Variants in RANBP2 observed in about 807,000 individuals in gnomAD.
RANBP2 encodes the protein E3 SUMO-protein ligase RanBP2.
A neutral mutation model predicts 303.6 loss-of-function variants in RANBP2; 57 were observed. The observed-to-expected ratio is 0.19, with a 90% CI of 0.15 to 0.23. The LOEUF (loss-of-function observed/expected upper bound fraction) is 0.23, where lower values mean the gene tolerates loss of function less well. Ranked by LOEUF, RANBP2 falls within the 10% of genes least tolerant of loss-of-function variation. The pLI, the probability that RANBP2 is intolerant of heterozygous loss-of-function variation, is 1.00. For missense variants in RANBP2, 3,138 were observed against 3,780.8 expected, an observed-to-expected ratio of 0.83 and a Z score of 4.46; for synonymous variants, 1,167 against 1,301.5, an observed-to-expected ratio of 0.90 and a Z score of 2.23.
the RANBP2 span, among the ~76,000 whole-genome samples, chr2:109,185,348 A>G: frequency 6.6e-6 from 1 of 152,218 alleles, no homozygotes; most frequent in East Asian, 1.9e-4. Flanking sequence ...AAAAGATTGG[A>G]TTGTTAGAGC....
the RANBP2 span, among the ~76,000 whole-genome samples, chr2:108,830,272 T>C: frequency 6.6e-6 from 1 of 152,240 alleles, no homozygotes; most frequent in Non-Finnish European, 1.5e-5. Flanking sequence ...AATGGAGAGT[T>C]ATTATTTAAT....
intron 1 of RANBP2, among the ~76,000 whole-genome samples, chr2:108,726,270 G>A (rs1694698933): frequency 6.6e-6 from 1 of 152,154 alleles, no homozygotes; most frequent in South Asian, 2.1e-4. Context: ...TTACATACTA[G>A]TCATCTCAGT....
At chr2:109,633,421 AAAC>A in the RANBP2 span, among the ~76,000 whole-genome samples, 27 of 151,718 alleles carry the variant, frequency 1.8e-4, no homozygotes, top group East Asian at 3.7e-3. Flanking sequence ...AAACAAAACA[AAAC>A]AAAAAAACAG....
At chr2:109,287,090 C>T in the RANBP2 span, among the ~76,000 whole-genome samples, 538 of 152,320 alleles carry the variant, frequency 3.5e-3, 1 homozygote, top group African/African-American at 0.012. Context: ...TCTGTGATCT[C>T]ATCTGTGACA....
the RANBP2 span, among the ~76,000 whole-genome samples, chr2:108,929,841 T>A: frequency 6.6e-6 from 1 of 152,232 alleles, no homozygotes. Context: ...TCCAATCAGA[T>A]GATCTGACGC....
At chr2:108,776,037 C>T in intron 24 of RANBP2, 101 bp downstream of exon 24, 1 of 1,003,938 alleles carries the variant, frequency 1.0e-6, no homozygotes. Context: ...CTTTAAAACA[C>T]ATTTTGATAT....
chr2:108,775,379 T>G (rs191714234), intron 23 of RANBP2, among the ~76,000 whole-genome samples: 16 of 152,306 alleles, frequency 1.1e-4, no homozygotes, highest in Admixed American at 9.1e-4. Context: ...TCTCTTTTTT[T>G]GCTGACATTG....
the RANBP2 span, among the ~76,000 whole-genome samples, chr2:109,183,436 A>G: frequency 1.3e-5 from 2 of 152,156 alleles, no homozygotes; most frequent in African/African-American, 2.4e-5. Context: ...CTAGATGCAT[A>G]TAGTAGTTCA....
At chr2:108,969,666 T>C in the RANBP2 span, among the ~76,000 whole-genome samples, 1 of 152,244 alleles carries the variant, frequency 6.6e-6, no homozygotes, top group Non-Finnish European at 1.5e-5. Context: ...AAAAGATATT[T>C]ATTAAGTGCT....
At chr2:109,649,094 G>A in the RANBP2 span, among the ~76,000 whole-genome samples, 182 of 152,196 alleles carry the variant, frequency 1.2e-3, 1 homozygote, top group Non-Finnish European at 9.6e-4. Flanking sequence ...AAGACAAAAC[G>A]GTAATAGATA....
chr2:109,372,611 G>A, the RANBP2 span, among the ~76,000 whole-genome samples: 18 of 152,214 alleles, frequency 1.2e-4, no homozygotes, highest in African/African-American at 1.9e-4. Context: ...GAAAGGTAAC[G>A]TAGCATTCTC....
At chr2:109,635,056 A>T in the RANBP2 span, among the ~76,000 whole-genome samples, 1 of 152,142 alleles carries the variant, frequency 6.6e-6, no homozygotes, top group African/African-American at 2.4e-5. Flanking sequence ...TTGTAAAAAT[A>T]ATGTTTTGTC....
the RANBP2 span, among the ~76,000 whole-genome samples, chr2:109,375,698 C>T: frequency 6.6e-6 from 1 of 152,246 alleles, no homozygotes; most frequent in Non-Finnish European, 1.5e-5. Context: ...AGAGTTCTGC[C>T]CTCTCTGTGG....
At chr2:109,430,350 C>T in the RANBP2 span, among the ~76,000 whole-genome samples, 6 of 152,246 alleles carry the variant, frequency 3.9e-5, no homozygotes, top group African/African-American at 1.4e-4. Flanking sequence ...GTCATTGTTA[C>T]TGATTCACAA....
At chr2:109,342,575 C>T in the RANBP2 span, among the ~76,000 whole-genome samples, 1 of 152,002 alleles carries the variant, frequency 6.6e-6, no homozygotes, top group African/African-American at 2.4e-5. Context: ...CTCTCCACCC[C>T]AGCTTGCTGG....
At chr2:109,066,648 C>T in the RANBP2 span, among the ~76,000 whole-genome samples, 2 of 152,132 alleles carry the variant, frequency 1.3e-5, no homozygotes, top group Non-Finnish European at 2.9e-5. Flanking sequence ...GACCCAGGGC[C>T]CTTGTGTCTG....
chr2:109,022,161 C>T, the RANBP2 span, among the ~76,000 whole-genome samples: 1 of 152,212 alleles, frequency 6.6e-6, no homozygotes, highest in Non-Finnish European at 1.5e-5. Flanking sequence ...AGCCTGTATC[C>T]AGGGGCAGTG....
the RANBP2 span, among the ~76,000 whole-genome samples, chr2:109,530,927 C>T: frequency 6.6e-6 from 1 of 152,122 alleles, no homozygotes; most frequent in Non-Finnish European, 1.5e-5. Context: ...AGAGCCGACC[C>T]TCAAGACAAG....
chr2:109,279,405 G>C, the RANBP2 span, among the ~76,000 whole-genome samples: 1 of 152,208 alleles, frequency 6.6e-6, no homozygotes, highest in African/African-American at 2.4e-5. Context: ...TCACCTGCTG[G>C]AGTGACTGTC....
Sources: allele counts gnomAD v4.1 joint callset (sites outside exome capture counted in the v4.1 genomes callset), GRCh38; gene constraint gnomAD v4.1.1; transcripts MANE v1.5; gene names NCBI Gene and HGNC (gene_info 2026-07-23, HGNC 2026-07-21).